The following PCDH15 variants were observed in gnomAD, a reference collection of about 807,000 sequenced individuals.
PCDH15 encodes protocadherin-15.
In PCDH15, 129 loss-of-function variants were observed where a neutral mutation model predicts 178.5. The observed-to-expected ratio is 0.72, with a 90% CI of 0.63 to 0.84. The LOEUF is 0.84. PCDH15 is among the 40% of genes least tolerant of loss of function. The probability of loss-of-function intolerance (pLI) is 0.00; values close to 1 mark genes in which losing one functional copy is unlikely to be tolerated. For missense variants in PCDH15, 2,230 were observed against 2,099.9 expected, an observed-to-expected ratio of 1.06 and a Z score of -1.21; for synonymous variants, 800 against 732.0, an observed-to-expected ratio of 1.09 and a Z score of -1.50.
At chr10:55,025,790 GT>G (rs1840461947) in intron 2 of PCDH15, among the ~76,000 whole-genome samples, 1 of 151,830 alleles carries the variant, frequency 6.6e-6, no homozygotes, top group Non-Finnish European at 1.5e-5. Flanking sequence ...TTTCATGATG[GT>G]TTTGATATTT....
chr10:54,871,269 T>C (rs1036676491), intron 3 of PCDH15, among the ~76,000 whole-genome samples: 4 of 152,172 alleles, frequency 2.6e-5, no homozygotes, highest in Non-Finnish European at 5.9e-5. Flanking sequence ...TTCTGAATAC[T>C]CTGGAACTCT....
Position 54,344,966 on chromosome 10 carries a change from G to GTA in PCDH15, c.594+1397_594+1398dup, listed in dbSNP as rs1233847961. Among the ~76,000 whole-genome samples, 438 of 136,562 alleles carry GTA rather than the reference G, an allele frequency of 3.2e-3. 2 individuals are homozygous for GTA. The highest frequency in any genetic ancestry group is 6.0e-3 in the African/African-American group (227 of 37,552). 89.6% of individuals were successfully genotyped at this position (136,562 alleles called of 152,430 possible). On this transcript the variant is annotated intron_variant, in intron 6 of 37. Coordinates refer to ENST00000644397, the MANE Select transcript of PCDH15 (RefSeq NM_001384140.1). ...CTGACCTTCACCCTGCTAATAAAAT[G>GTA]TATATATATATATTATATATATATA...
intron 1 of PCDH15, among the ~76,000 whole-genome samples, chr10:54,670,300 A>C (rs975942317): frequency 6.6e-6 from 1 of 152,160 alleles, no homozygotes; most frequent in Non-Finnish European, 1.5e-5. Flanking sequence ...TTAACCCAAA[A>C]TATATTTCCC....
At chr10:55,536,800 T>C (rs1023197847) in intron 2 of PCDH15, among the ~76,000 whole-genome samples, 1 of 152,118 alleles carries the variant, frequency 6.6e-6, no homozygotes, top group Non-Finnish European at 1.5e-5. Flanking sequence ...CTCTCCATAC[T>C]TTTTCATTTA....
chr10:54,773,478 T>C (rs1566197665), intron 1 of PCDH15, among the ~76,000 whole-genome samples: 3 of 152,216 alleles, frequency 2.0e-5, no homozygotes, highest in African/African-American at 7.2e-5. Context: ...ATTTGGCTGA[T>C]GGTACATCAT....
At chr10:54,916,068 C>T (rs749668799) in intron 2 of PCDH15, among the ~76,000 whole-genome samples, 1 of 151,906 alleles carries the variant, frequency 6.6e-6, no homozygotes, top group Non-Finnish European at 1.5e-5. Context: ...CCACCCACCT[C>T]AGCCTCCCAA....
intron 1 of PCDH15, among the ~76,000 whole-genome samples, chr10:54,757,729 C>CGA (rs894890360): frequency 6.6e-6 from 1 of 151,858 alleles, no homozygotes; most frequent in Non-Finnish European, 1.5e-5. Flanking sequence ...TTATTTATGC[C>CGA]GAGAGAGAGA....
chr10:54,918,177 A>G (rs16906691), intron 2 of PCDH15, among the ~76,000 whole-genome samples: 10,025 of 152,110 alleles, frequency 0.066, 1,074 homozygotes, highest in African/African-American at 0.22. Flanking sequence ...ATACGCTTCT[A>G]TTAATTTTGC....
chr10:55,438,781 G>A (rs1212154062), intron 2 of PCDH15, among the ~76,000 whole-genome samples: 1 of 151,818 alleles, frequency 6.6e-6, no homozygotes, highest in Non-Finnish European at 1.5e-5. Flanking sequence ...TAATATTTTT[G>A]TTCTATTAAA....
At chr10:54,836,658 A>G (rs1046761039) in intron 3 of PCDH15, among the ~76,000 whole-genome samples, 1 of 152,124 alleles carries the variant, frequency 6.6e-6, no homozygotes, top group Non-Finnish European at 1.5e-5. Flanking sequence ...TCTCACTAGC[A>G]TTTTTCACAC....
intron 2 of PCDH15, among the ~76,000 whole-genome samples, chr10:54,901,937 A>C (rs550872307): frequency 4.6e-5 from 7 of 152,086 alleles, no homozygotes; most frequent in Non-Finnish European, 1.0e-4. Context: ...GTGCATCTGA[A>C]GGTCTTCTAT....
At chr10:54,301,140 C>G in intron 8 of PCDH15, among the ~76,000 whole-genome samples, 1 of 152,118 alleles carries the variant, frequency 6.6e-6, no homozygotes, top group South Asian at 2.1e-4. Context: ...AGAGCTGTAA[C>G]ACTCACTGTG....
chr10:54,578,188 T>C (rs1255564054), intron 2 of PCDH15, among the ~76,000 whole-genome samples: 1 of 152,120 alleles, frequency 6.6e-6, no homozygotes, highest in Non-Finnish European at 1.5e-5. Context: ...TTCTGGCATG[T>C]AGTTCTTTAA....
chr10:54,038,382 G>C (rs2093466742), intron 18 of PCDH15, among the ~76,000 whole-genome samples: 1 of 151,832 alleles, frequency 6.6e-6, no homozygotes, highest in South Asian at 2.1e-4. Context: ...GTTTTGTTGG[G>C]GTATGCTTTG....
At chr10:54,684,272 T>C (rs2094954057) in intron 1 of PCDH15, among the ~76,000 whole-genome samples, 1 of 151,702 alleles carries the variant, frequency 6.6e-6, no homozygotes, top group Non-Finnish European at 1.5e-5. Flanking sequence ...AAGGATACAA[T>C]AGGTTAAAGA....
intron 2 of PCDH15, among the ~76,000 whole-genome samples, chr10:55,565,026 T>A (rs1842273288): frequency 6.6e-6 from 1 of 151,776 alleles, no homozygotes; most frequent in South Asian, 2.1e-4. Flanking sequence ...ATTTACAGAA[T>A]ATTCTACCCC....
At chr10:54,450,704 A>G (rs1000289967) in intron 3 of PCDH15, among the ~76,000 whole-genome samples, 2 of 151,844 alleles carry the variant, frequency 1.3e-5, no homozygotes, top group African/African-American at 2.4e-5. Flanking sequence ...ACTAGCTTCA[A>G]TTGAAAAAAA....
In PCDH15 at chr10:55,596,843, TG is replaced by T. The variant is rs879613499; in HGVS notation, c.-156+30781del. 6.3e-3 allele frequency among the ~76,000 whole-genome samples: 966 copies of T among 152,220 alleles called. 5 individuals carry two copies. Among genetic ancestry groups the T allele is most frequent in the African/African-American group, 0.021 (885 of 41,544 alleles). On this transcript the variant is annotated intron_variant, in intron 2 of 5. Coordinates refer to the PCDH15 transcript ENST00000613346. ...ATGATAAAAATAAATCTTTTAACTA[TG>T]ATAATACAGGTTTTTGAGGATTTAG...
At chr10:54,533,248 GAA>G (rs943153167) in intron 2 of PCDH15, among the ~76,000 whole-genome samples, 2 of 151,918 alleles carry the variant, frequency 1.3e-5, no homozygotes, top group African/African-American at 4.8e-5. Context: ...TCATTTCATT[GAA>G]AGTCTCAATT....
Sources: allele counts gnomAD v4.1 joint callset (sites outside exome capture counted in the v4.1 genomes callset), GRCh38; gene constraint gnomAD v4.1.1; transcripts MANE v1.5; gene names NCBI Gene and HGNC (gene_info 2026-07-23, HGNC 2026-07-21).